The following IQGAP2 variants were observed in gnomAD, a reference collection of about 807,000 sequenced individuals.
IQGAP2 encodes IQ motif containing GTPase activating protein 2.
Under a neutral mutation model 201.3 loss-of-function variants are expected in IQGAP2, and 173 were observed. That is an observed-to-expected ratio of 0.86 (90% CI 0.76 to 0.98). IQGAP2 has a LOEUF of 0.98. Ranked by LOEUF, IQGAP2 falls within the 50% of genes least tolerant of loss-of-function variation. IQGAP2 has a pLI of 0.00. For missense variants in IQGAP2, 1,687 were observed against 1,864.8 expected, an observed-to-expected ratio of 0.90 and a Z score of 1.76; for synonymous variants, 675 against 673.9, an observed-to-expected ratio of 1.00 and a Z score of -0.03.
At chr5:76,579,903 T>C (rs1211585489) in intron 5 of IQGAP2, among the ~76,000 whole-genome samples, 1 of 152,224 alleles carries the variant, frequency 6.6e-6, no homozygotes, top group African/African-American at 2.4e-5. Flanking sequence ...TCCTTTGTTT[T>C]CTGGGACTAT....
At chr5:76,597,345 G>T in intron 9 of IQGAP2, 94 bp from the exon 10 acceptor site, 1 of 1,280,072 alleles carries the variant, frequency 7.8e-7, no homozygotes, top group Non-Finnish European at 1.1e-6. Flanking sequence ...AAAAGTAACT[G>T]CTTAGGTTCA....
chr5:76,488,353 T>C (rs1756302299), intron 2 of IQGAP2, among the ~76,000 whole-genome samples: 1 of 152,210 alleles, frequency 6.6e-6, no homozygotes, highest in African/African-American at 2.4e-5. Flanking sequence ...ATCCTTCTCT[T>C]ATAGATTAAA....
intron 2 of IQGAP2, among the ~76,000 whole-genome samples, chr5:76,522,930 T>G (rs1488766714): frequency 2.0e-5 from 3 of 152,182 alleles, no homozygotes; most frequent in Non-Finnish European, 1.5e-5. Flanking sequence ...TATTTCTGCC[T>G]AAGTAAATGA....
chr5:76,452,366 A>G (rs1753814481), intron 1 of IQGAP2, among the ~76,000 whole-genome samples: 1 of 151,812 alleles, frequency 6.6e-6, no homozygotes, highest in African/African-American at 2.4e-5. Flanking sequence ...CATTAGGTAT[A>G]TCCCCTAATG....
At position 76,447,518 on chromosome 5, in the gene IQGAP2, C is replaced by T. The variant is rs146049427; in HGVS notation, c.47-14052C>T. On this transcript the variant is annotated intron_variant, in intron 1 of 35. Transcript: ENST00000274364. ...AAACAAAAAACATGGGGCATAGCCA[C>T]GTCCGTCGAGAGCTGCCAGAATCGG... Among the ~76,000 whole-genome samples, 67 of 152,280 alleles carry T rather than the reference C, an allele frequency of 4.4e-4. 1 individual carries two copies. In the East Asian group the frequency reaches 0.012, roughly 28 times the overall value.
At chr5:76,573,372 C>T (rs764015771) in intron 4 of IQGAP2, among the ~76,000 whole-genome samples, 5 of 152,168 alleles carry the variant, frequency 3.3e-5, no homozygotes, top group Admixed American at 6.5e-5. Flanking sequence ...AACTTGTATT[C>T]CTTCATTTAT....
chr5:76,642,729 C>G (rs953201619), intron 17 of IQGAP2, among the ~76,000 whole-genome samples: 1 of 152,208 alleles, frequency 6.6e-6, no homozygotes, highest in African/African-American at 2.4e-5. Flanking sequence ...AACTGCCCCC[C>G]AGACACAGTA....
intron 2 of IQGAP2, among the ~76,000 whole-genome samples, chr5:76,462,905 T>G (rs1461897171): frequency 6.6e-6 from 1 of 152,118 alleles, no homozygotes; most frequent in Admixed American, 6.5e-5. Context: ...ATGCTAGCGA[T>G]TCACTATCAG....
Position 76,588,141 on chromosome 5 carries a change from A to C in IQGAP2, c.459-765A>C, listed in dbSNP as rs549608434. ...AGCTTCATCTCACATCAACATCTGA[A>C]GTGATAATTTTGAAGTATTTCAAGC... On this transcript the variant is annotated intron_variant, in intron 5 of 35. Coordinates refer to ENST00000274364, the MANE Select transcript of IQGAP2 (RefSeq NM_006633.5). 3.9e-5 allele frequency among the ~76,000 whole-genome samples: 6 copies of C among 152,254 alleles called. No homozygotes were observed. In the South Asian group the frequency reaches 1.2e-3, roughly 32 times the overall value.
At chr5:76,447,139 G>T (rs1291741487) in intron 1 of IQGAP2, among the ~76,000 whole-genome samples, 4 of 152,174 alleles carry the variant, frequency 2.6e-5, no homozygotes, top group Non-Finnish European at 5.9e-5. Flanking sequence ...GGGTTTTCCT[G>T]TTGAGAGCAG....
At chr5:76,584,841 A>G (rs1482863023) in intron 5 of IQGAP2, among the ~76,000 whole-genome samples, 5 of 152,236 alleles carry the variant, frequency 3.3e-5, no homozygotes, top group Admixed American at 6.5e-5. Flanking sequence ...AGACATTTGA[A>G]GGAAACTGCC....
At chr5:76,660,124 G>A (rs1743125974) in intron 21 of IQGAP2, 1 of 152,162 alleles carries the variant, frequency 6.6e-6, no homozygotes, top group African/African-American at 2.4e-5. Context: ...CAGCAACCAA[G>A]CGAACGTTCT....
At chr5:76,447,972 C>T (rs1753499025) in intron 1 of IQGAP2, among the ~76,000 whole-genome samples, 1 of 152,142 alleles carries the variant, frequency 6.6e-6, no homozygotes, top group Admixed American at 6.5e-5. Context: ...TGTGTTTCCT[C>T]TCTTCTGCAT....
At chr5:76,471,346 C>A (rs1755080816) in intron 2 of IQGAP2, among the ~76,000 whole-genome samples, 1 of 132,712 alleles carries the variant, frequency 7.5e-6, no homozygotes. Flanking sequence ...TCTGTCCTAC[C>A]TCTGAAAATA....
At chr5:76,479,548 C>A (rs1355681432) in intron 2 of IQGAP2, among the ~76,000 whole-genome samples, 5 of 152,126 alleles carry the variant, frequency 3.3e-5, no homozygotes, top group African/African-American at 1.2e-4. Context: ...ACGTGCCATC[C>A]CTCTCACAAT....
chr5:76,590,456 C>T lies in IQGAP2; in HGVS notation c.689C>T (p.Ala230Val). 1 of 1,613,252 alleles carries T rather than the reference C, an allele frequency of 6.2e-7. No individual in the cohort carries two copies. The highest frequency in any genetic ancestry group is 8.5e-7 in the Non-Finnish European group (1 of 1,179,546). ...AATGAAGCAGTTGAAAAAGGAATAG[C>T]AGAGCAAACCGTTGTAACACTAAGA... ...AINEAVEKGIAEQTVVTLRNP... is the reference protein window; with the variant it reads ...AINEAVEKGIVEQTVVTLRNP... The change falls in exon 8 of 36, where the codon GCA (alanine) becomes GTA (valine). Residue 230 changes from alanine to valine, a missense_variant. Physicochemically the swap from Ala to Val is moderately conservative, Grantham distance 64 (BLOSUM62 0). Coordinates refer to ENST00000274364, the MANE Select transcript of IQGAP2 (RefSeq NM_006633.5).
intron 5 of IQGAP2, among the ~76,000 whole-genome samples, chr5:76,581,217 G>A (rs2150291739): frequency 6.6e-6 from 1 of 152,270 alleles, no homozygotes; most frequent in Middle Eastern, 3.4e-3. Flanking sequence ...TGCTCCTCAG[G>A]CATTAATGCA....
intron 3 of IQGAP2, among the ~76,000 whole-genome samples, chr5:76,566,122 C>T (rs1334742735): frequency 1.3e-5 from 2 of 151,992 alleles, no homozygotes; most frequent in Admixed American, 6.6e-5. Context: ...TATGAAGACC[C>T]ATTGCATGTC....
At chr5:76,628,799 A>G in intron 14 of IQGAP2, 1 of 443,580 alleles carries the variant, frequency 2.3e-6, no homozygotes, top group Non-Finnish European at 4.5e-6. Flanking sequence ...GGAACTTTGA[A>G]GTCTTTCCTT....
Sources: gnomAD v4.1 joint callset for allele counts (sites outside exome capture counted in the v4.1 genomes callset) on GRCh38, gnomAD v4.1.1 for gene constraint, MANE v1.5 for transcripts, NCBI Gene and HGNC (gene_info 2026-07-23, HGNC 2026-07-21) for gene names.